UST: variants seen among roughly 807,000 people sequenced by gnomAD.
UST encodes the protein chondroitin sulfate 2-O-sulfotransferase.
A neutral mutation model predicts 45.6 loss-of-function variants in UST; 21 were observed. That is an observed-to-expected ratio of 0.46 (90% CI 0.33 to 0.66). UST has a LOEUF of 0.66. Ranked by LOEUF, UST falls within the 30% of genes least tolerant of loss-of-function variation. The probability of loss-of-function intolerance (pLI) is 0.02; values close to 1 mark genes in which losing one functional copy is unlikely to be tolerated. For synonymous variants in UST, 215 were observed against 200.6 expected (o/e 1.07, Z -0.61); for missense variants, 463 against 512.4 (o/e 0.90, Z 0.93).
chr6:149,021,204 G>C, intron 6 of UST, 120 bp from the exon 7 acceptor site: 1 of 1,170,794 alleles, frequency 8.5e-7, no homozygotes, highest in Non-Finnish European at 1.2e-6. Flanking sequence ...TGGTCCTTGA[G>C]GGAAACAGGA....
chr6:148,834,544 G>C (rs1281651190), intron 1 of UST, among the ~76,000 whole-genome samples: 1 of 152,142 alleles, frequency 6.6e-6, no homozygotes, highest in African/African-American at 2.4e-5. Flanking sequence ...AGACCAGCCT[G>C]AGCAATATGA....
At chr6:149,040,153 C>G (rs938474877) in intron 7 of UST, among the ~76,000 whole-genome samples, 3 of 152,162 alleles carry the variant, frequency 2.0e-5, no homozygotes, top group Admixed American at 6.5e-5. Context: ...CAACTCAAAC[C>G]TTGGCGGTAA....
At chr6:148,981,420 A>G (rs1157875498) in intron 5 of UST, among the ~76,000 whole-genome samples, 1 of 152,122 alleles carries the variant, frequency 6.6e-6, no homozygotes, top group East Asian at 1.9e-4. Flanking sequence ...TTTTTGTCCT[A>G]TGTGACACTG....
At chr6:148,847,838 A>G (rs571698104) in intron 1 of UST, among the ~76,000 whole-genome samples, 1 of 152,322 alleles carries the variant, frequency 6.6e-6, no homozygotes, top group African/African-American at 2.4e-5. Context: ...GGCACAGAAG[A>G]TTGATTGGAA....
intron 4 of UST, among the ~76,000 whole-genome samples, chr6:148,961,310 AG>A: frequency 6.6e-6 from 1 of 152,312 alleles, no homozygotes; most frequent in Non-Finnish European, 1.5e-5. Context: ...GAAGGACAAA[AG>A]GGTATGTTGT....
intron 7 of UST, among the ~76,000 whole-genome samples, chr6:149,061,771 G>A (rs1776658847): frequency 1.3e-5 from 2 of 152,246 alleles, no homozygotes; most frequent in Admixed American, 1.3e-4. Context: ...CCACCAGGAA[G>A]TGTTCAAGAC....
intron 7 of UST, among the ~76,000 whole-genome samples, chr6:149,064,562 A>C (rs1250346000): frequency 3.3e-5 from 5 of 152,196 alleles, no homozygotes; most frequent in Non-Finnish European, 7.4e-5. Context: ...TCTTTGCAGA[A>C]AGAGGGAAGG....
intron 4 of UST, among the ~76,000 whole-genome samples, chr6:148,954,824 CA>C (rs1780451362): frequency 1.3e-5 from 2 of 152,194 alleles, no homozygotes; most frequent in Non-Finnish European, 2.9e-5. Context: ...GATAACAATG[CA>C]AATCTTCAAA....
At chr6:148,858,496 C>CTT (rs143151771) in intron 1 of UST, among the ~76,000 whole-genome samples, 191 of 146,460 alleles carry the variant, frequency 1.3e-3, no homozygotes, top group African/African-American at 3.5e-3. Flanking sequence ...TTGCATCTTT[C>CTT]TTTTTTTTTT....
At chr6:148,821,545 T>C (rs1467525968) in intron 1 of UST, among the ~76,000 whole-genome samples, 1 of 152,228 alleles carries the variant, frequency 6.6e-6, no homozygotes, top group African/African-American at 2.4e-5. Flanking sequence ...AAGTATTTGG[T>C]GCTTAGTAAC....
chr6:148,963,812 G>A (rs1299930984), intron 4 of UST, among the ~76,000 whole-genome samples: 5 of 152,160 alleles, frequency 3.3e-5, no homozygotes, highest in Non-Finnish European at 5.9e-5. Context: ...CTCCATTGAC[G>A]TGTTATGGGG....
intron 1 of UST, among the ~76,000 whole-genome samples, chr6:148,826,181 C>T (rs1777563999): frequency 6.6e-6 from 1 of 152,180 alleles, no homozygotes; most frequent in South Asian, 2.1e-4. Context: ...GGTGCAATCT[C>T]CACCCACTGC....
At chr6:148,796,991 C>T (rs1437028233) in intron 1 of UST, among the ~76,000 whole-genome samples, 3 of 151,778 alleles carry the variant, frequency 2.0e-5, no homozygotes, top group Non-Finnish European at 4.4e-5. Flanking sequence ...TTAGTAGAGA[C>T]GGGGTTTCAC....
intron 2 of UST, among the ~76,000 whole-genome samples, chr6:148,903,261 C>T (rs1779294187): frequency 6.6e-6 from 1 of 151,988 alleles, no homozygotes; most frequent in African/African-American, 2.4e-5. Flanking sequence ...TGGTGGGAGA[C>T]TGTGTATTAA....
intron 2 of UST, among the ~76,000 whole-genome samples, chr6:148,921,092 G>T (rs564893504): frequency 1.3e-5 from 2 of 152,340 alleles, no homozygotes; most frequent in African/African-American, 4.8e-5. Context: ...TACACAAGAG[G>T]AGTCTATTAA....
chr6:149,028,539 G>C (rs1456286633), intron 7 of UST, among the ~76,000 whole-genome samples: 1 of 152,246 alleles, frequency 6.6e-6, no homozygotes, highest in Non-Finnish European at 1.5e-5. Context: ...ACCAGTTACA[G>C]CTGATACATT....
chr6:148,914,646 C>T lies in UST; in HGVS notation c.292-26633C>T, dbSNP rs142272423. Among the ~76,000 whole-genome samples the T allele has an allele frequency of 3.9e-3, 599 of 152,268 alleles. 2 individuals are homozygous for T. The highest frequency in any genetic ancestry group is 0.017 in the Middle Eastern group (5 of 294). On this transcript the variant is annotated intron_variant, in intron 2 of 7. Coordinates refer to ENST00000367463, the MANE Select transcript of UST (RefSeq NM_005715.3). ...TTCACGCTCCTATGAGAATATAATACTGCCGCTGATCTAATAGGAGGCAGA... is the reference window on the plus strand; with the variant it reads ...TTCACGCTCCTATGAGAATATAATATTGCCGCTGATCTAATAGGAGGCAGA...
chr6:149,001,072 C>CTTT (rs71554430), intron 5 of UST, among the ~76,000 whole-genome samples: 3 of 136,366 alleles, frequency 2.2e-5, no homozygotes, highest in South Asian at 4.7e-4. Context: ...GGAGATGATT[C>CTTT]TTTTTTTTTT....
chr6:149,036,837 A>G (rs1017371360), intron 7 of UST, among the ~76,000 whole-genome samples: 1 of 152,218 alleles, frequency 6.6e-6, no homozygotes, highest in Admixed American at 6.5e-5. Context: ...ATGAAGCTCC[A>G]CACTTAATAC....
Sources: gnomAD v4.1 joint callset for allele counts (sites outside exome capture counted in the v4.1 genomes callset) on GRCh38, gnomAD v4.1.1 for gene constraint, MANE v1.5 for transcripts, NCBI Gene and HGNC (gene_info 2026-07-23, HGNC 2026-07-21) for gene names.